The following CENPW variants were observed in gnomAD, a reference collection of about 807,000 sequenced individuals.
CENPW encodes the protein cancer-up-regulated gene 2 protein.
A neutral mutation model predicts 11.1 loss-of-function variants in CENPW; 3 were observed. The ratio of observed to expected loss-of-function variants is 0.27; its 90% CI spans 0.12 to 0.70. The LOEUF is 0.70. Ranked by LOEUF, CENPW falls within the 30% of genes least tolerant of loss-of-function variation. CENPW has a pLI of 0.77. For missense variants in CENPW, 100 were observed against 105.6 expected (o/e 0.95, Z 0.23); for synonymous variants, 38 against 42.0 (o/e 0.91, Z 0.37).
At chr6:126,349,895 A>C (rs189851119), downstream of CENPW, among the ~76,000 whole-genome samples, 1 of 152,120 alleles carries the variant, frequency 6.6e-6, no homozygotes, top group East Asian at 1.9e-4. Flanking sequence ...GTGTCACTTA[A>C]TCTGGAGTGC....
chr6:126,434,339 A>G, the CENPW span, among the ~76,000 whole-genome samples: 1 of 152,092 alleles, frequency 6.6e-6, no homozygotes. Context: ...TCTTCTAAGG[A>G]AACAAATTCT....
At chr6:126,426,436 C>G in the CENPW span, among the ~76,000 whole-genome samples, 1 of 152,050 alleles carries the variant, frequency 6.6e-6, no homozygotes, top group East Asian at 1.9e-4. Flanking sequence ...TCTTATATCT[C>G]CCAGTTGGAG....
chr6:126,430,726 C>G, the CENPW span, among the ~76,000 whole-genome samples: 1 of 151,946 alleles, frequency 6.6e-6, no homozygotes, highest in Non-Finnish European at 1.5e-5. Context: ...CCGAGGTGGG[C>G]AGATCACGAG....
the CENPW span, among the ~76,000 whole-genome samples, chr6:126,442,481 G>T: frequency 2.6e-5 from 4 of 151,310 alleles, no homozygotes; most frequent in African/African-American, 9.7e-5. Context: ...AGCATAGATT[G>T]CTTTTTCTGT....
chr6:126,368,140 T>C, the CENPW span, among the ~76,000 whole-genome samples: 2 of 152,232 alleles, frequency 1.3e-5, no homozygotes, highest in Non-Finnish European at 2.9e-5. Context: ...TTTGTGCCTA[T>C]CCCTCTAGTT....
the CENPW span, among the ~76,000 whole-genome samples, chr6:126,402,557 G>GTT: frequency 9.1e-6 from 1 of 110,466 alleles, no homozygotes; most frequent in African/African-American, 3.5e-5. Context: ...CACCAATCTA[G>GTT]TTTCTTTTTC....
the CENPW span, among the ~76,000 whole-genome samples, chr6:126,474,778 G>A: frequency 6.6e-6 from 1 of 152,094 alleles, no homozygotes; most frequent in Non-Finnish European, 1.5e-5. Flanking sequence ...ATCCTAGGGT[G>A]GAACATCAAG....
chr6:126,389,016 T>C, the CENPW span, among the ~76,000 whole-genome samples: 4 of 150,250 alleles, frequency 2.7e-5, no homozygotes, highest in Non-Finnish European at 4.5e-5. Flanking sequence ...AATGAAAAAA[T>C]TGTAGATCTC....
At chr6:126,429,249 G>A in the CENPW span, among the ~76,000 whole-genome samples, 1 of 152,144 alleles carries the variant, frequency 6.6e-6, no homozygotes, top group Admixed American at 6.5e-5. Context: ...GAGTATTATT[G>A]TTCTATTTCT....
the CENPW span, among the ~76,000 whole-genome samples, chr6:126,466,448 A>G: frequency 6.6e-6 from 1 of 152,158 alleles, no homozygotes; most frequent in African/African-American, 2.4e-5. Flanking sequence ...TTTATGCTGA[A>G]TAGTGGAGAC....
At chr6:126,468,763 T>A in the CENPW span, among the ~76,000 whole-genome samples, 1 of 152,168 alleles carries the variant, frequency 6.6e-6, no homozygotes, top group African/African-American at 2.4e-5. Flanking sequence ...ATAACTATAA[T>A]GTAAAGATGG....
At chr6:126,394,692 C>T in the CENPW span, among the ~76,000 whole-genome samples, 22 of 152,186 alleles carry the variant, frequency 1.4e-4, no homozygotes, top group African/African-American at 5.1e-4. Flanking sequence ...TGGAGAACTT[C>T]CTTTAGCATT....
At chr6:126,385,100 T>TA in the CENPW span, among the ~76,000 whole-genome samples, 1 of 151,900 alleles carries the variant, frequency 6.6e-6, no homozygotes, top group African/African-American at 2.4e-5. Context: ...ATTAAAAAGT[T>TA]AAAAAATAAC....
the CENPW span, among the ~76,000 whole-genome samples, chr6:126,359,308 T>C: frequency 6.6e-6 from 1 of 152,208 alleles, no homozygotes; most frequent in Non-Finnish European, 1.5e-5. Context: ...CTTTTCTTTT[T>C]TTTTTTAATT....
the CENPW span, among the ~76,000 whole-genome samples, chr6:126,376,213 G>C: frequency 7.2e-5 from 11 of 152,156 alleles, no homozygotes; most frequent in African/African-American, 2.7e-4. Context: ...ATTTGGTGCA[G>C]TAAAGATATT....
the CENPW span, among the ~76,000 whole-genome samples, chr6:126,481,276 A>AT: frequency 1.9e-4 from 28 of 149,368 alleles, no homozygotes; most frequent in South Asian, 6.3e-4. Context: ...TAACTAAGCA[A>AT]TTTTTTTTTT....
chr6:126,411,738 C>G, the CENPW span, among the ~76,000 whole-genome samples: 1 of 152,254 alleles, frequency 6.6e-6, no homozygotes, highest in African/African-American at 2.4e-5. Context: ...GCCAAAGAAG[C>G]TTCAATTTGG....
At chr6:126,425,456 T>C in the CENPW span, among the ~76,000 whole-genome samples, 3 of 152,118 alleles carry the variant, frequency 2.0e-5, no homozygotes, top group Non-Finnish European at 4.4e-5. Flanking sequence ...AAAAATCCTG[T>C]CTGATTTAAG....
the CENPW span, among the ~76,000 whole-genome samples, chr6:126,469,019 A>G: frequency 6.6e-6 from 1 of 152,040 alleles, no homozygotes; most frequent in Non-Finnish European, 1.5e-5. Flanking sequence ...GTCTCAAAGT[A>G]CTGACCTCAA....
Sources: gnomAD v4.1 joint callset for allele counts (sites outside exome capture counted in the v4.1 genomes callset) on GRCh38, gnomAD v4.1.1 for gene constraint, MANE v1.5 for transcripts, NCBI Gene and HGNC (gene_info 2026-07-23, HGNC 2026-07-21) for gene names.